Variants in TTC29 observed in about 807,000 individuals in gnomAD.
The protein encoded by TTC29 is tetratricopeptide repeat domain 29, also known as tetratricopeptide repeat protein 29.
TTC29 carries 49 observed loss-of-function variants against 58.1 expected under a neutral mutation model. The observed-to-expected ratio is 0.84, with a 90% CI of 0.67 to 1.07. The LOEUF (loss-of-function observed/expected upper bound fraction) is 1.07. Ranked by LOEUF, TTC29 falls within the 50% of genes least tolerant of loss-of-function variation. The pLI, the probability that TTC29 is intolerant of heterozygous loss-of-function variation, is 0.00. For synonymous variants in TTC29, 209 were observed against 196.8 expected (o/e 1.06, Z -0.52); for missense variants, 582 against 555.6 (o/e 1.05, Z -0.48).
chr4:146,939,754 T>G (rs377435583), intron 3 of TTC29, 50 bp downstream of exon 3: 55 of 1,467,762 alleles, frequency 3.7e-5, no homozygotes, highest in Non-Finnish European at 4.7e-5. Context: ...CATTTCTTAT[T>G]ACAGAAAATT....
chr4:146,798,109 C>T lies in TTC29; in HGVS notation c.1330+5348G>A, dbSNP rs1482410614. On this transcript the variant is annotated intron_variant, in intron 11 of 12. Coordinates refer to ENST00000325106, the MANE Select transcript of TTC29 (RefSeq NM_031956.4). Reference sequence around the variant, plus strand: ...TCATCTTGGACATTTTATTCCATGACTCTTTAAGTTCCTACTACCTACTTG... The same window carrying T: ...TCATCTTGGACATTTTATTCCATGATTCTTTAAGTTCCTACTACCTACTTG... 2.0e-5 allele frequency among the ~76,000 whole-genome samples: 3 copies of T among 151,974 alleles called. 1 individual carries two copies. In the East Asian group the frequency reaches 5.8e-4, roughly 29 times the overall value.
At chr4:146,935,501 G>A (rs1735730675) in intron 4 of TTC29, among the ~76,000 whole-genome samples, 1 of 152,170 alleles carries the variant, frequency 6.6e-6, no homozygotes, top group Admixed American at 6.5e-5. Flanking sequence ...ATGACTACCA[G>A]TTAGATAATT....
At chr4:146,877,758 T>C (rs1378645438) in intron 6 of TTC29, among the ~76,000 whole-genome samples, 2 of 152,140 alleles carry the variant, frequency 1.3e-5, no homozygotes, top group African/African-American at 2.4e-5. Context: ...GGAGAAGGGA[T>C]GTAGAATACT....
At chr4:146,755,521 C>A (rs185126269) in intron 11 of TTC29, among the ~76,000 whole-genome samples, 1 of 151,994 alleles carries the variant, frequency 6.6e-6, no homozygotes, top group Non-Finnish European at 1.5e-5. Flanking sequence ...GTAGGATGAA[C>A]AAATTAGAGA....
intron 11 of TTC29, among the ~76,000 whole-genome samples, chr4:146,751,600 G>A (rs768596059): frequency 5.3e-5 from 8 of 152,060 alleles, no homozygotes; most frequent in South Asian, 2.1e-4. Context: ...AGCAACCAAC[G>A]GATCAAAGAG....
intron 10 of TTC29, among the ~76,000 whole-genome samples, chr4:146,812,516 G>T (rs996693488): frequency 5.3e-5 from 8 of 152,316 alleles, no homozygotes; most frequent in Admixed American, 2.6e-4. Context: ...AGTGTAAGTA[G>T]TGATATGCCT....
intron 11 of TTC29, among the ~76,000 whole-genome samples, chr4:146,782,333 TGTTG>T (rs1748681154): frequency 6.6e-6 from 1 of 151,668 alleles, no homozygotes. Context: ...ATTAAATATC[TGTTG>T]GCCATTTATA....
At chr4:146,729,559 T>C (rs1378445365) in intron 11 of TTC29, among the ~76,000 whole-genome samples, 2 of 152,196 alleles carry the variant, frequency 1.3e-5, no homozygotes, top group Admixed American at 6.5e-5. Context: ...ATCAGATGTC[T>C]AATGGGTTCA....
At chr4:146,933,140 A>G (rs1201351506) in intron 4 of TTC29, among the ~76,000 whole-genome samples, 1 of 152,220 alleles carries the variant, frequency 6.6e-6, no homozygotes, top group African/African-American at 2.4e-5. Context: ...GAACAGTCCT[A>G]ACTGCCACTA....
chr4:146,752,012 A>G (rs1746041498), intron 11 of TTC29, among the ~76,000 whole-genome samples: 1 of 152,110 alleles, frequency 6.6e-6, no homozygotes, highest in Non-Finnish European at 1.5e-5. Flanking sequence ...GGCACAAGAC[A>G]GGGATGCCCT....
At chr4:146,813,137 T>A (rs1221430572) in intron 10 of TTC29, 1 of 152,226 alleles carries the variant, frequency 6.6e-6, no homozygotes, top group African/African-American at 2.4e-5. Context: ...ATTTTTAGTG[T>A]CTAAAATGTC....
chr4:146,834,063 A>C (rs1728349757), intron 8 of TTC29, among the ~76,000 whole-genome samples, 166 bp from the exon 9 acceptor site: 1 of 152,204 alleles, frequency 6.6e-6, no homozygotes, highest in South Asian at 2.1e-4. Context: ...TCTATAGTAT[A>C]ACTTGTTTTG....
chr4:146,831,905 CT>C (rs1040488903), intron 9 of TTC29: 4 of 198,400 alleles, frequency 2.0e-5, no homozygotes, highest in African/African-American at 9.3e-5. Context: ...AAATTTTCCC[CT>C]TGAAGTTTTA....
intron 6 of TTC29, among the ~76,000 whole-genome samples, chr4:146,895,794 A>G (rs1024079875): frequency 1.3e-5 from 2 of 152,194 alleles, no homozygotes; most frequent in Non-Finnish European, 2.9e-5. Flanking sequence ...TTATCCCTCA[A>G]TAAACCCCAT....
chr4:146,782,350 A>C (rs1748682420), intron 11 of TTC29, among the ~76,000 whole-genome samples: 1 of 151,724 alleles, frequency 6.6e-6, no homozygotes, highest in South Asian at 2.1e-4. Context: ...CATTTATATA[A>C]AAATATTATT....
intron 11 of TTC29, among the ~76,000 whole-genome samples, chr4:146,772,603 C>T (rs1197545824): frequency 1.3e-5 from 2 of 152,044 alleles, no homozygotes; most frequent in South Asian, 2.1e-4. Flanking sequence ...TGTACCAGTA[C>T]CATGTGATTT....
rs1038908680 is a variant in TTC29, at chr4:146,729,432, T to A, written c.1331-21881A>T. On this transcript the variant is annotated intron_variant, in intron 11 of 12. Transcript: ENST00000325106. ...TGACATTTGAAGACTTTTTTCCGAGTTCATTTTTATCTTTTAAACTTGTTT... is the reference window on the plus strand; with the variant it reads ...TGACATTTGAAGACTTTTTTCCGAGATCATTTTTATCTTTTAAACTTGTTT... 2.2e-4 allele frequency among the ~76,000 whole-genome samples: 33 copies of A among 152,168 alleles called. 1 individual carries two copies. Among genetic ancestry groups the A allele is most frequent in the Non-Finnish European group, 2.9e-5 (2 of 68,038 alleles).
chr4:146,807,672 T>C (rs915922567), intron 10 of TTC29, among the ~76,000 whole-genome samples: 6 of 152,042 alleles, frequency 3.9e-5, no homozygotes, highest in Admixed American at 1.3e-4. Context: ...ACATATACCC[T>C]CCCAAGACTA....
At chr4:146,942,694 T>G in intron 2 of TTC29, 2 of 1,406,136 alleles carry the variant, frequency 1.4e-6, no homozygotes, top group Non-Finnish European at 1.9e-6. Flanking sequence ...CCTAGTAAAT[T>G]TAAAAAGGGA....
Sources: gnomAD v4.1 joint callset for allele counts (sites outside exome capture counted in the v4.1 genomes callset) on GRCh38, gnomAD v4.1.1 for gene constraint, MANE v1.5 for transcripts, NCBI Gene and HGNC (gene_info 2026-07-23, HGNC 2026-07-21) for gene names.